ATE1: variants seen among roughly 807,000 people sequenced by gnomAD.
The protein encoded by ATE1 is arginyltransferase 1.
Under a neutral mutation model 70.5 loss-of-function variants are expected in ATE1, and 36 were observed. The observed-to-expected ratio is 0.51, with a 90% CI of 0.39 to 0.67. The LOEUF (loss-of-function observed/expected upper bound fraction) is 0.67, where lower values mean the gene tolerates loss of function less well. ATE1 is among the 30% of genes least tolerant of loss of function. ATE1 has a pLI of 0.00. For synonymous variants in ATE1, 232 were observed against 219.3 expected, an observed-to-expected ratio of 1.06 and a Z score of -0.51; for missense variants, 593 against 629.5, an observed-to-expected ratio of 0.94 and a Z score of 0.62.
At chr10:121,914,520 A>G (rs894495771) in intron 3 of ATE1, among the ~76,000 whole-genome samples, 2 of 152,140 alleles carry the variant, frequency 1.3e-5, no homozygotes, top group Non-Finnish European at 2.9e-5. Context: ...AAAAAAAAAA[A>G]GCCAATTTTC....
intron 5 of ATE1, among the ~76,000 whole-genome samples, chr10:121,905,853 G>GA (rs919586612): frequency 2.0e-4 from 5 of 25,544 alleles, no homozygotes; most frequent in African/African-American, 7.3e-4. Context: ...CTCCAAGAGA[G>GA]AGAAAAAAAA....
chr10:121,880,455 G>C (rs1447284995), intron 7 of ATE1, among the ~76,000 whole-genome samples: 2 of 151,752 alleles, frequency 1.3e-5, no homozygotes, highest in Non-Finnish European at 2.9e-5. Flanking sequence ...ATGACTGCTT[G>C]AATAGAAGAA....
chr10:121,921,766 A>G (rs1394153687), intron 3 of ATE1, among the ~76,000 whole-genome samples: 2 of 152,146 alleles, frequency 1.3e-5, no homozygotes, highest in Non-Finnish European at 2.9e-5. Context: ...GCTTGCTTCA[A>G]GCTAGCCCAC....
intron 3 of ATE1, among the ~76,000 whole-genome samples, chr10:121,918,903 C>T (rs574889479): frequency 6.6e-5 from 10 of 152,160 alleles, no homozygotes; most frequent in South Asian, 2.1e-4. Context: ...ACGCCCCAAT[C>T]GGCGCTCTGT....
chr10:121,884,032 G>A (rs760657661), intron 7 of ATE1, among the ~76,000 whole-genome samples: 3 of 148,712 alleles, frequency 2.0e-5, no homozygotes, highest in Non-Finnish European at 4.4e-5. Flanking sequence ...CTTGAGCCTC[G>A]GAGGCAGAGG....
At chr10:121,823,012 C>T (rs1401364506) in intron 10 of ATE1, among the ~76,000 whole-genome samples, 2 of 152,074 alleles carry the variant, frequency 1.3e-5, no homozygotes, top group Non-Finnish European at 2.9e-5. Flanking sequence ...AGAGGTCGGC[C>T]AGGCATGGTG....
rs765014174 is a variant in ATE1 at position 121,821,021 on chromosome 10, AACCTCC to A, written c.1257+15691_1257+15696del. Among the ~76,000 whole-genome samples the A allele has an allele frequency of 1.7e-3, 262 of 152,316 alleles. 1 individual carries two copies. The highest frequency in any genetic ancestry group is 9.6e-4 in the East Asian group (5 of 5,182). On this transcript the variant is annotated intron_variant, in intron 10 of 11. Coordinates refer to ENST00000224652, the MANE Select transcript of ATE1 (RefSeq NM_001001976.3). ...CAGTGGCGCAATCTCGGCTCACTGC[AACCTCC>A]ACCTCCCAGGTTCACGCCATTCTCC... is the stretch of plus-strand genomic sequence containing the variant.
chr10:121,915,821 G>A (rs1364280432), intron 3 of ATE1, among the ~76,000 whole-genome samples: 1 of 149,774 alleles, frequency 6.7e-6, no homozygotes, highest in African/African-American at 2.5e-5. Flanking sequence ...AACCTGGGAG[G>A]CAGAGCTTGC....
chr10:121,806,572 T>C (rs1280709362), intron 10 of ATE1, among the ~76,000 whole-genome samples: 1 of 152,160 alleles, frequency 6.6e-6, no homozygotes, highest in African/African-American at 2.4e-5. Context: ...ACATGAACTA[T>C]CTATTTGATG....
At chr10:121,837,372 G>A (rs1948469992) in intron 9 of ATE1, among the ~76,000 whole-genome samples, 1 of 152,076 alleles carries the variant, frequency 6.6e-6, no homozygotes, top group African/African-American at 2.4e-5. Context: ...TGTATTTGTT[G>A]GAATAAGCCA....
At chr10:121,883,699 A>G (rs1290016581) in intron 7 of ATE1, among the ~76,000 whole-genome samples, 1 of 152,228 alleles carries the variant, frequency 6.6e-6, no homozygotes, top group African/African-American at 2.4e-5. Flanking sequence ...AACGTTTCCA[A>G]TGCTTGGAAA....
In ATE1 at chr10:121,870,175, T is replaced by A; in HGVS notation, c.943-137A>T. 3.9e-6 allele frequency: 3 copies of A among 774,624 alleles called. No individual in the cohort carries two copies. In the South Asian group the frequency reaches 5.9e-5, roughly 15 times the overall value. The allele number at this position is 774,624 out of a possible 1,614,324, so 48.0% of individuals were successfully genotyped here. A position where few individuals can be genotyped will look rare whatever the true frequency, so the allele number is the denominator to read the frequency against. The stretch of plus-strand genomic sequence containing the variant: ...GAACCCAAAGATTATAGAAAATTAA[T>A]GTGTCCATAAAATTCATCCAGAGAA... On this transcript the variant is annotated intron_variant, in intron 7 of 11. Coordinates refer to ENST00000224652, the MANE Select transcript of ATE1 (RefSeq NM_001001976.3).
chr10:121,874,268 T>C (rs1380945464), intron 7 of ATE1, among the ~76,000 whole-genome samples: 1 of 152,230 alleles, frequency 6.6e-6, no homozygotes, highest in Non-Finnish European at 1.5e-5. Context: ...GTTCAATTTC[T>C]GGCACATATT....
At chr10:121,920,810 T>C (rs200081351) in intron 3 of ATE1, among the ~76,000 whole-genome samples, 1 of 151,676 alleles carries the variant, frequency 6.6e-6, no homozygotes, top group African/African-American at 2.4e-5. Context: ...CTGGCCAACA[T>C]AGTGAAACCC....
At chr10:121,869,204 CA>C (rs1949766999) in intron 8 of ATE1, among the ~76,000 whole-genome samples, 1 of 152,122 alleles carries the variant, frequency 6.6e-6, no homozygotes, top group East Asian at 1.9e-4. Flanking sequence ...TAAAAGATAA[CA>C]AAAATGAGGC....
chr10:121,819,531 C>T (rs1189933019), intron 10 of ATE1, among the ~76,000 whole-genome samples: 6 of 151,284 alleles, frequency 4.0e-5, no homozygotes, highest in South Asian at 4.2e-4. Flanking sequence ...GGTGAAACCC[C>T]GTCTCTACTA....
At chr10:121,790,341 A>G in intron 10 of ATE1, 52 bp from the exon 11 acceptor site, 2 of 1,597,616 alleles carry the variant, frequency 1.3e-6, no homozygotes, top group Non-Finnish European at 1.7e-6. Context: ...CAGCAATGCC[A>G]GAGATAAAGG....
chr10:121,928,449 G>A, upstream of ATE1: 1 of 1,513,732 alleles, frequency 6.6e-7, no homozygotes, highest in Admixed American at 2.1e-5. Context: ...GCGAGGGTCC[G>A]CTCGGGCCGA....
chr10:121,823,390 T>C lies in ATE1; in HGVS notation c.1257+13328A>G, dbSNP rs575645717. 4.6e-5 allele frequency among the ~76,000 whole-genome samples: 7 copies of C among 151,930 alleles called. No homozygotes were observed. The South Asian group carries it at 1.5e-3, about 32-fold the overall frequency. On this transcript the variant is annotated intron_variant, in intron 10 of 11. Coordinates refer to ENST00000224652, the MANE Select transcript of ATE1 (RefSeq NM_001001976.3). ...TTTAGAATGTAGGGAGTAGAGAAGG[T>C]GAAGGTGAAGTGGGGAAAACACAGA...
Sources: gnomAD v4.1 joint callset for allele counts (sites outside exome capture counted in the v4.1 genomes callset) on GRCh38, gnomAD v4.1.1 for gene constraint, MANE v1.5 for transcripts, NCBI Gene and HGNC (gene_info 2026-07-23, HGNC 2026-07-21) for gene names.